The following PCCA variants were observed in gnomAD, a reference collection of about 807,000 sequenced individuals.
PCCA encodes the protein propionyl-CoA carboxylase subunit alpha.
In PCCA, 74 loss-of-function variants were observed where a neutral mutation model predicts 101.3. The observed-to-expected ratio is 0.73, with a 90% CI of 0.61 to 0.89. PCCA has a LOEUF of 0.89. PCCA is among the 40% of genes least tolerant of loss of function. PCCA has a pLI of 0.00. For missense variants in PCCA, 891 were observed against 907.0 expected (o/e 0.98, Z 0.23); for synonymous variants, 294 against 313.6 (o/e 0.94, Z 0.66).
intron 21 of PCCA, chr13:100,491,464 C>T: frequency 3.2e-6 from 1 of 310,206 alleles, no homozygotes. Context: ...GTTTGTATGC[C>T]CCTAGTCATA....
intron 4 of PCCA, among the ~76,000 whole-genome samples, chr13:100,141,475 A>G (rs2051863552): frequency 6.6e-6 from 1 of 152,060 alleles, no homozygotes; most frequent in African/African-American, 2.4e-5. Flanking sequence ...CAGTGGCGTG[A>G]TCTCGGCTCA....
At chr13:100,458,625 A>C (rs867825676) in intron 21 of PCCA, among the ~76,000 whole-genome samples, 31 of 152,094 alleles carry the variant, frequency 2.0e-4, no homozygotes, top group African/African-American at 6.0e-4. Flanking sequence ...ACAGAGTGAG[A>C]CCCCACCTCA....
chr13:100,480,040 C>T (rs887475890), intron 21 of PCCA, among the ~76,000 whole-genome samples: 6 of 152,186 alleles, frequency 3.9e-5, no homozygotes, highest in Non-Finnish European at 8.8e-5. Flanking sequence ...TAATGAAAAA[C>T]CTATGGAGCA....
chr13:100,401,497 C>T (rs1321625774), intron 19 of PCCA, among the ~76,000 whole-genome samples: 1 of 152,150 alleles, frequency 6.6e-6, no homozygotes, highest in Non-Finnish European at 1.5e-5. Context: ...CCACCTTGGC[C>T]TCCCAAAGTG....
At chr13:100,490,112 T>C (rs1462100944) in intron 21 of PCCA, 1 of 152,266 alleles carries the variant, frequency 6.6e-6, no homozygotes, top group Non-Finnish European at 1.5e-5. Context: ...CTGTTGCCTA[T>C]ATCCTGGTCA....
At chr13:100,291,800 G>A (rs1222082433) in intron 12 of PCCA, among the ~76,000 whole-genome samples, 1 of 152,174 alleles carries the variant, frequency 6.6e-6, no homozygotes, top group African/African-American at 2.4e-5. Context: ...AAGAGACCAC[G>A]GACCCATCTG....
chr13:100,405,332 C>A (rs1254890972), intron 19 of PCCA, among the ~76,000 whole-genome samples: 1 of 152,176 alleles, frequency 6.6e-6, no homozygotes, highest in African/African-American at 2.4e-5. Flanking sequence ...TCTTTCTGAG[C>A]TGCAGCCAGA....
chr13:100,489,612 T>C (rs2084732707), intron 21 of PCCA, among the ~76,000 whole-genome samples: 1 of 152,248 alleles, frequency 6.6e-6, no homozygotes, highest in Admixed American at 6.5e-5. Context: ...TATTGTAAAA[T>C]GTCAAGTGTT....
intron 12 of PCCA, among the ~76,000 whole-genome samples, chr13:100,277,276 G>A (rs904689342): frequency 2.0e-5 from 3 of 152,030 alleles, no homozygotes; most frequent in Non-Finnish European, 2.9e-5. Context: ...TCTTATCTTC[G>A]TGGTTATGCT....
chr13:100,182,431 A>G (rs2056886742), intron 6 of PCCA, among the ~76,000 whole-genome samples: 1 of 152,166 alleles, frequency 6.6e-6, no homozygotes. Context: ...CCTAGTACTT[A>G]AAGCACATTA....
intron 19 of PCCA, among the ~76,000 whole-genome samples, chr13:100,380,623 G>C (rs1052420063): frequency 6.6e-6 from 1 of 152,250 alleles, no homozygotes; most frequent in Middle Eastern, 3.4e-3. Flanking sequence ...GAAACACCTG[G>C]GTTCACATGT....
intron 12 of PCCA, among the ~76,000 whole-genome samples, chr13:100,285,260 C>G (rs1222940313): frequency 6.6e-6 from 1 of 152,216 alleles, no homozygotes; most frequent in East Asian, 1.9e-4. Context: ...AGGGCAAATA[C>G]TCTGGTGGGA....
intron 2 of PCCA, among the ~76,000 whole-genome samples, chr13:100,103,861 C>T (rs1011413845): frequency 1.2e-4 from 19 of 152,136 alleles, no homozygotes; most frequent in African/African-American, 4.6e-4. Context: ...GTCTCAAACT[C>T]CTGACCTCAG....
At chr13:100,305,846 G>A in intron 14 of PCCA, 1 of 440,648 alleles carries the variant, frequency 2.3e-6, no homozygotes, top group South Asian at 1.8e-5. Flanking sequence ...TAAGTGTGCT[G>A]AATGATTTTT....
intron 21 of PCCA, among the ~76,000 whole-genome samples, chr13:100,465,476 C>T (rs545727984): frequency 2.6e-5 from 4 of 152,274 alleles, no homozygotes; most frequent in South Asian, 2.1e-4. Context: ...ATAGTGTCAT[C>T]AACTGTATCT....
intron 4 of PCCA, among the ~76,000 whole-genome samples, chr13:100,138,082 C>G (rs979761384): frequency 1.3e-5 from 2 of 152,166 alleles, no homozygotes; most frequent in Non-Finnish European, 2.9e-5. Context: ...ACCACCACAC[C>G]TGGCCACTTT....
Position 100,215,841 on chromosome 13 carries a change from C to T in PCCA, c.600+6378C>T, listed in dbSNP as rs957493899. Among the ~76,000 whole-genome samples the T allele has an allele frequency of 5.3e-5, 8 of 151,958 alleles. No individual in the cohort carries two copies. In the South Asian group the frequency reaches 1.0e-3, roughly 20 times the overall value. On this transcript the variant is annotated intron_variant, in intron 7 of 23. Transcript: ENST00000376285. ...TTTTAGTAGAGATGAAGTTTCACCA[C>T]GTTGGCCAGGCTGGTCTTGAACTCC...
chr13:100,432,385 C>G (rs2079620948), intron 20 of PCCA, among the ~76,000 whole-genome samples: 1 of 152,134 alleles, frequency 6.6e-6, no homozygotes, highest in South Asian at 2.1e-4. Context: ...CAGTTGCACT[C>G]TTTTATTTTT....
intron 2 of PCCA, among the ~76,000 whole-genome samples, chr13:100,109,569 A>G (rs182703145): frequency 1.1e-4 from 16 of 152,300 alleles, no homozygotes; most frequent in African/African-American, 3.6e-4. Context: ...AAGTGTAAAC[A>G]TTGTGTTCTC....
Sources: allele counts gnomAD v4.1 joint callset (sites outside exome capture counted in the v4.1 genomes callset), GRCh38; gene constraint gnomAD v4.1.1; transcripts MANE v1.5; gene names NCBI Gene and HGNC (gene_info 2026-07-23, HGNC 2026-07-21).